AKR1C3: variants seen among roughly 807,000 people sequenced by gnomAD.
AKR1C3 encodes the protein 3-alpha hydroxysteroid dehydrogenase, type II.
A neutral mutation model predicts 43.6 loss-of-function variants in AKR1C3; 48 were observed. The observed-to-expected ratio is 1.10, with a 90% CI of 0.87 to 1.40. The LOEUF is 1.40. Among genes scored for constraint, AKR1C3 ranks in the 40% most tolerant of loss-of-function variants. The probability of loss-of-function intolerance (pLI) is 0.00; values close to 1 mark genes in which losing one functional copy is unlikely to be tolerated. For missense variants in AKR1C3, 482 were observed against 391.2 expected, an observed-to-expected ratio of 1.23 and a Z score of -1.96; for synonymous variants, 162 against 139.6, an observed-to-expected ratio of 1.16 and a Z score of -1.13.
intron 1 of AKR1C3, among the ~76,000 whole-genome samples, chr10:5,072,992 C>G (rs1838643563): frequency 6.6e-6 from 1 of 152,114 alleles, no homozygotes; most frequent in Non-Finnish European, 1.5e-5. Context: ...GAGACAGAGT[C>G]TTGCTCTTTC....
At chr10:5,100,771 T>G (rs1388433301) in intron 5 of AKR1C3, among the ~76,000 whole-genome samples, 4 of 152,286 alleles carry the variant, frequency 2.6e-5, no homozygotes, top group African/African-American at 9.6e-5. Flanking sequence ...AGTCCTTCAA[T>G]TTTTTATTAT....
chr10:5,075,219 A>G (rs1180429007), intron 1 of AKR1C3, among the ~76,000 whole-genome samples: 1 of 151,886 alleles, frequency 6.6e-6, no homozygotes, highest in African/African-American at 2.4e-5. Context: ...TTATAAACTT[A>G]GATGGTTTAC....
upstream of AKR1C3, among the ~76,000 whole-genome samples, chr10:5,092,169 T>C (rs1279580267): frequency 6.6e-6 from 1 of 152,126 alleles, no homozygotes; most frequent in African/African-American, 2.4e-5. Flanking sequence ...ACAGAATTTA[T>C]TGTTCTGTAC....
intron 8 of AKR1C3, among the ~76,000 whole-genome samples, chr10:5,106,539 T>G (rs1269974244): frequency 6.6e-6 from 1 of 151,956 alleles, no homozygotes; most frequent in Non-Finnish European, 1.5e-5. Flanking sequence ...TCGACTGAGG[T>G]CAGGAGTTCG....
At chr10:5,094,632 G>C in intron 1 of AKR1C3, 104 bp downstream of exon 1, 4 of 1,277,184 alleles carry the variant, frequency 3.1e-6, no homozygotes, top group Non-Finnish European at 4.5e-6. Context: ...TACTCTGGAT[G>C]ACTCACTGGT....
intron 1 of AKR1C3, among the ~76,000 whole-genome samples, chr10:5,094,789 A>C (rs1839171218): frequency 6.6e-6 from 1 of 152,108 alleles, no homozygotes; most frequent in Non-Finnish European, 1.5e-5. Flanking sequence ...AGAATATGTA[A>C]AACTCAGTAT....
chr10:5,098,917 A>G, intron 4 of AKR1C3, 38 bp downstream of exon 4: 1 of 1,516,106 alleles, frequency 6.6e-7, no homozygotes, highest in East Asian at 2.3e-5. Context: ...GAAGGATGAC[A>G]AAAAGAGAAA....
intron 7 of AKR1C3, among the ~76,000 whole-genome samples, chr10:5,104,545 T>TAATATCTTGATTATTC (rs1839451245): frequency 6.6e-6 from 1 of 152,152 alleles, no homozygotes; most frequent in African/African-American, 2.4e-5. Flanking sequence ...TTTTATTTGA[T>TAATATCTTGATTATTC]AATATCTTGA....
intron 7 of AKR1C3, among the ~76,000 whole-genome samples, 198 bp downstream of exon 7, chr10:5,102,848 C>T (rs977625591): frequency 1.3e-5 from 2 of 151,930 alleles, no homozygotes; most frequent in Non-Finnish European, 2.9e-5. Context: ...AAGATGGGAC[C>T]AAAAATGGAG....
intron 1 of AKR1C3, among the ~76,000 whole-genome samples, chr10:5,068,228 T>G (rs1227501707): frequency 6.6e-6 from 1 of 152,194 alleles, no homozygotes; most frequent in Admixed American, 6.5e-5. Flanking sequence ...AGAAATTCCA[T>G]ATAATCTTAG....
chr10:5,081,375 G>A (rs765180457), intron 1 of AKR1C3, among the ~76,000 whole-genome samples: 1 of 152,148 alleles, frequency 6.6e-6, no homozygotes, highest in Admixed American at 6.6e-5. Context: ...AGGGACAGTT[G>A]GGCCGCAGTG....
intron 5 of AKR1C3, among the ~76,000 whole-genome samples, chr10:5,101,320 TTTA>T (rs1230326927): frequency 1.0e-4 from 15 of 149,594 alleles, no homozygotes; most frequent in African/African-American, 3.8e-4. Flanking sequence ...TTAATGGTTA[TTTA>T]TTATTGTATT....
upstream of AKR1C3, chr10:5,094,331 G>C (rs919941425): frequency 1.4e-4 from 161 of 1,142,218 alleles, 1 homozygote; most frequent in South Asian, 1.9e-3. Context: ...ACATGCCATT[G>C]GTTAACCATC....
intron 2 of AKR1C3, 93 bp from the exon 3 acceptor site, chr10:5,097,341 C>T: frequency 6.9e-7 from 1 of 1,454,412 alleles, no homozygotes; most frequent in Non-Finnish European, 9.3e-7. Flanking sequence ...AATTTTGAAG[C>T]AGTAGGAAAA....
chr10:5,059,484 C>T (rs1208855118), intron 1 of AKR1C3, among the ~76,000 whole-genome samples: 2 of 152,174 alleles, frequency 1.3e-5, no homozygotes, highest in South Asian at 2.1e-4. Flanking sequence ...TGGTTTTCCT[C>T]TCTGTTGACC....
chr10:5,049,701 A>C (rs1226444656), intron 1 of AKR1C3, among the ~76,000 whole-genome samples: 2 of 152,210 alleles, frequency 1.3e-5, no homozygotes, highest in Non-Finnish European at 2.9e-5. Flanking sequence ...AGATACATGA[A>C]ATTTGAGTCT....
chr10:5,097,655 TCA>T (rs34942947), intron 3 of AKR1C3, 105 bp downstream of exon 3: 4 of 1,590,322 alleles, frequency 2.5e-6, no homozygotes, highest in Middle Eastern at 1.7e-4. Flanking sequence ...GTAGGGATTA[TCA>T]CACAGAAGAA....
At chr10:5,085,436 A>T (rs1554782972) in intron 1 of AKR1C3, among the ~76,000 whole-genome samples, 1 of 152,018 alleles carries the variant, frequency 6.6e-6, no homozygotes, top group Non-Finnish European at 1.5e-5. Context: ...CCACTTGATT[A>T]TGGTGGATAA....
chr10:5,072,709 G>A (rs1588339863), intron 1 of AKR1C3, among the ~76,000 whole-genome samples: 1 of 152,178 alleles, frequency 6.6e-6, no homozygotes, highest in African/African-American at 2.4e-5. Context: ...TAGCACAGAA[G>A]GATACCCCAA....
Sources: gnomAD v4.1 joint callset for allele counts (sites outside exome capture counted in the v4.1 genomes callset) on GRCh38, gnomAD v4.1.1 for gene constraint, MANE v1.5 for transcripts, NCBI Gene and HGNC (gene_info 2026-07-23, HGNC 2026-07-21) for gene names.